MNX1: variants seen among roughly 807,000 people sequenced by gnomAD.
The protein encoded by MNX1 is motor neuron and pancreas homeobox protein 1.
A neutral mutation model predicts 17.3 loss-of-function variants in MNX1; 2 were observed. The observed-to-expected ratio is 0.12, with a 90% CI of 0.05 to 0.36. The LOEUF is 0.36. Among genes scored for constraint, MNX1 ranks in the 10% least tolerant of loss-of-function variants. MNX1 has a pLI of 1.00. For missense variants in MNX1, 556 were observed against 564.7 expected, an observed-to-expected ratio of 0.98 and a Z score of 0.16; for synonymous variants, 306 against 283.1, an observed-to-expected ratio of 1.08 and a Z score of -0.81.
Position 157,010,488 on chromosome 7 carries a change from C to T in MNX1, c.-138G>A. ...GTTATTTGCCAATAATCAAAGTCGC[C>T]GCCGGAAACTCAGCCGAGGGTGACC... On this transcript the variant is annotated 5_prime_UTR_variant, in exon 1 of 3. Coordinates refer to ENST00000252971, the MANE Select transcript of MNX1 (RefSeq NM_005515.4). 1.8e-6 allele frequency: 1 copy of T among 556,584 alleles called. No individual in the cohort carries two copies. Among genetic ancestry groups the T allele is most frequent in the South Asian group, 3.8e-5 (1 of 26,266 alleles). 34.5% of individuals were successfully genotyped at this position (556,584 alleles called of 1,614,324 possible).
chr7:157,006,483 G>T lies in MNX1; in HGVS notation c.848C>A (p.Thr283Asn), dbSNP rs750889748. 1 of 1,610,428 alleles carries T rather than the reference G, an allele frequency of 6.2e-7. No individual in the cohort carries two copies. The highest frequency in any genetic ancestry group is 8.5e-7 in the Non-Finnish European group (1 of 1,179,204). The change falls in exon 2 of 3, where the codon ACC becomes AAC. Residue 283 changes from threonine (T) to asparagine (N), a missense_variant. Thr to Asn is a moderately conservative substitution (Grantham distance 65). Transcript: ENST00000252971. This position sits in a 1 kb window ranked among gnomAD's most constrained non-coding sequence, Gnocchi z 6.3. The part of the protein sequence containing the change: ...EVATSLMLTE[T>N]QVKIWFQNRR... ...GGGGGCGGGGAGGGCGCGCACCTGGGTCTCGGTGAGCATGAGCGAGGTGGC... is the reference window on the plus strand; with the variant it reads ...GGGGGCGGGGAGGGCGCGCACCTGGTTCTCGGTGAGCATGAGCGAGGTGGC...
rs2134838496 is a variant in MNX1, at chr7:157,005,752, G to C, written c.974C>G (p.Ala325Gly). 6.2e-7 allele frequency: 1 copy of C among 1,609,054 alleles called. No homozygotes were observed. Among genetic ancestry groups the C allele is most frequent in the Non-Finnish European group, 8.5e-7 (1 of 1,179,324 alleles). ...CAGCTCCTCGGCTCCCGGCTCCTCCGCGCCGCCCTTCCCCGCGCCCCCGCC... is the reference window on the plus strand; with the variant it reads ...CAGCTCCTCGGCTCCCGGCTCCTCCCCGCCGCCCTTCCCCGCGCCCCCGCC... Reference protein sequence around the residue: ...GGGGGAGKGGAEEPGAEELLG... With the variant: ...GGGGGAGKGGGEEPGAEELLG... Residue 325 changes from alanine to glycine, a missense_variant, in exon 3 of 3, where the codon GCG becomes GGG. This residue lies in a region of MNX1 where 178 missense variants were observed against 155.2 expected (regional missense o/e 1.15). Coordinates refer to ENST00000252971, the MANE Select transcript of MNX1 (RefSeq NM_005515.4).
Position 157,009,738 on chromosome 7 carries a change from C to G in MNX1, c.613G>C (p.Ala205Pro), listed in dbSNP as rs771641742. 1.2e-6 allele frequency: 2 copies of G among 1,607,388 alleles called. No individual in the cohort carries two copies. The highest frequency in any genetic ancestry group is 2.2e-5 in the South Asian group (2 of 90,744). Residue 205 changes from alanine to proline, a missense_variant, in exon 1 of 3, where the codon GCC (alanine) becomes CCC (proline). Physicochemically the swap from Ala to Pro is conservative, Grantham distance 27. Coordinates refer to ENST00000252971, the MANE Select transcript of MNX1 (RefSeq NM_005515.4). Reference sequence around the variant, plus strand: ...CACTGGTCCAGCTGGAAGGTGCCGGCGCCCAGCTTGATGGGGTCGGCGGGG... The same window carrying G: ...CACTGGTCCAGCTGGAAGGTGCCGGGGCCCAGCTTGATGGGGTCGGCGGGG... Reference protein sequence around the residue: ...AHPADPIKLGAGTFQLDQWLR... With the variant: ...AHPADPIKLGPGTFQLDQWLR...
Position 157,005,721 on chromosome 7 carries a change from C to G in MNX1, c.1005G>C (p.Gly335=), listed in dbSNP as rs901730582. 1 of 1,609,964 alleles carries G rather than the reference C, an allele frequency of 6.2e-7. No individual in the cohort carries two copies. The highest frequency in any genetic ancestry group is 1.1e-5 in the South Asian group (1 of 90,940). Residue 335 remains glycine, a synonymous_variant, in exon 3 of 3, where the codon GGG becomes GGC. Transcript: ENST00000252971. ...AEEPGAEELL[G]PPAPGDKGSG... Reference sequence around the variant, plus strand: ...TGCCCTTGTCTCCGGGCGCTGGCGGCCCCAGCAGCTCCTCGGCTCCCGGCT... The same window carrying G: ...TGCCCTTGTCTCCGGGCGCTGGCGGGCCCAGCAGCTCCTCGGCTCCCGGCT...
chr7:157,009,651 G>A lies in MNX1; in HGVS notation c.691+9C>T, dbSNP rs1370038763. 5.6e-6 allele frequency: 9 copies of A among 1,608,352 alleles called. No homozygotes were observed. Among genetic ancestry groups the A allele is most frequent in the Non-Finnish European group, 7.6e-6 (9 of 1,178,898 alleles). Reference sequence around the variant, plus strand: ...CCACGCGCATCCACGGGGGCCGCAGGGTACTCACAGTTGAAGTCGGGCATC... The same window carrying A: ...CCACGCGCATCCACGGGGGCCGCAGAGTACTCACAGTTGAAGTCGGGCATC... On this transcript the variant is annotated intron_variant, in intron 1 of 2. Transcript: ENST00000252971.
In MNX1 at chr7:157,006,282, G is replaced by A. The variant is rs1805596554; in HGVS notation, c.852+197C>T. The A allele has an allele frequency of 4.9e-6, 3 of 609,888 alleles. No homozygotes were observed. The highest frequency in any genetic ancestry group is 4.0e-5 in the South Asian group (2 of 49,858). The allele number at this position is 609,888 out of a possible 1,614,324, so 37.8% of individuals were successfully genotyped here. On this transcript the variant is annotated intron_variant, in intron 2 of 2. Coordinates refer to ENST00000252971, the MANE Select transcript of MNX1 (RefSeq NM_005515.4). This position sits in a 1 kb window ranked among gnomAD's most constrained non-coding sequence, Gnocchi z 6.3. Reference sequence around the variant, plus strand: ...CCTTCTTCAGAATGAAAGGAGGGGTGGTTAAGTGCTGATTCTTGGGCCCCA... The same window carrying A: ...CCTTCTTCAGAATGAAAGGAGGGGTAGTTAAGTGCTGATTCTTGGGCCCCA...
chr7:157,008,970 G>A, intron 1 of MNX1: 1 of 1,532,716 alleles, frequency 6.5e-7, no homozygotes, highest in South Asian at 1.2e-5. Context: ...GGGCTCCCTC[G>A]GCCCCACCTT....
Position 157,006,839 on chromosome 7 carries a change from A to G in MNX1, c.692-200T>C, listed in dbSNP as rs984152348. The G allele has an allele frequency of 6.0e-5, 28 of 467,198 alleles. No homozygotes were observed. The South Asian group carries it at 8.0e-4, about 13-fold the overall frequency. 28.9% of individuals were successfully genotyped at this position (467,198 alleles called of 1,614,324 possible). On this transcript the variant is annotated intron_variant, in intron 1 of 2. Transcript: ENST00000252971. The surrounding 1 kb of genome is among the most constrained non-coding windows in gnomAD (Gnocchi z 6.3). ...CACCAAGTGGAAATGGATAGTTTGG[A>G]GTTAATGAGACCAATTTTTTTTTTT...
chr7:157,008,816 C>A, intron 1 of MNX1: 1 of 631,258 alleles, frequency 1.6e-6, no homozygotes, highest in South Asian at 2.0e-5. Context: ...GCCAGAGCCC[C>A]AGAGAGCCAG....
At position 157,009,949 on chromosome 7, in the gene MNX1, A is replaced by AGCGGTGGCG; in HGVS notation, c.401_402insCGCCACCGC (p.Ala134_Gly135insAlaThrAla). The AGCGGTGGCG allele has an allele frequency of 1.1e-6, 1 of 907,746 alleles. No homozygotes were observed. The allele number at this position is 907,746 out of a possible 1,614,324, so 56.2% of individuals were successfully genotyped here. A position where few individuals can be genotyped will look rare whatever the true frequency, so the allele number is the denominator to read the frequency against. On this transcript the variant is annotated inframe_insertion, in exon 1 of 3. Transcript: ENST00000252971. ...GGTGCAGCCCCAGCGCCAGGCCCCCAGCGGCGGCGGCGGCGGCGGCGGCGG... is the reference window on the plus strand; with the variant it reads ...GGTGCAGCCCCAGCGCCAGGCCCCCAGCGGTGGCGGCGGCGGCGGCGGCGGCGGCGGCGG...
Position 157,009,922 on chromosome 7 carries a change from A to G in MNX1, c.429T>C (p.Pro143=). The G allele has an allele frequency of 8.0e-7, 1 of 1,242,530 alleles. No individual in the cohort carries two copies. Among genetic ancestry groups the G allele is most frequent in the Non-Finnish European group, 1.0e-6 (1 of 996,370 alleles). 77.0% of individuals were successfully genotyped at this position (1,242,530 alleles called of 1,614,324 possible). A position where few individuals can be genotyped will look rare whatever the true frequency, so the allele number is the denominator to read the frequency against. ...GGCCCGCGCCGCCCTGCGCGCCCCC[A>G]GGGTGCAGCCCCAGCGCCAGGCCCC... ...AAGGLALGLH[P]GGAQGGAGLP... The change falls in exon 1 of 3, where the codon CCT becomes CCC. Residue 143 remains proline (P), a synonymous_variant. Transcript: ENST00000252971.
Position 157,005,817 on chromosome 7 carries a change from T to C in MNX1, c.909A>G (p.Lys303=). 6.2e-7 allele frequency: 1 copy of C among 1,612,240 alleles called. No homozygotes were observed. Among genetic ancestry groups the C allele is most frequent in the Non-Finnish European group, 8.5e-7 (1 of 1,179,786 alleles). ...TCTCCGCTTCCTGCGCCGCCTGCTC[T>C]TTGGCCTTTTTGCTGCGTTTCCATT... The part of the protein sequence containing the change: ...RMKWKRSKKA[K]EQAAQEAEKQ... The change falls in exon 3 of 3, where the codon AAA becomes AAG. Residue 303 remains lysine, a synonymous_variant. Transcript: ENST00000252971.
In MNX1 at chr7:157,009,704, G is replaced by A; in HGVS notation, c.647C>T (p.Ala216Val). The A allele has an allele frequency of 6.2e-7, 1 of 1,608,494 alleles. No homozygotes were observed. The highest frequency in any genetic ancestry group is 1.1e-5 in the South Asian group (1 of 90,866). Residue 216 changes from alanine to valine, a missense_variant, in exon 1 of 3, where the codon GCG becomes GTG. Ala to Val is a moderately conservative substitution (Grantham distance 64, BLOSUM62 0). Coordinates refer to ENST00000252971, the MANE Select transcript of MNX1 (RefSeq NM_005515.4). ...AGGCAGGATCATGCCCGCGGTGGACGCGCGCAGCCACTGGTCCAGCTGGAA... is the reference window on the plus strand; with the variant it reads ...AGGCAGGATCATGCCCGCGGTGGACACGCGCAGCCACTGGTCCAGCTGGAA... ...GTFQLDQWLR[A>V]STAGMILPKM...
rs753043967 is a variant in MNX1 at position 157,005,765 on chromosome 7, C to A, written c.961G>T (p.Gly321Trp). The change falls in exon 3 of 3, where the codon GGG (glycine) becomes TGG (tryptophan). Residue 321 changes from glycine to tryptophan, a missense_variant. Gly to Trp is a radical substitution (Grantham distance 184). This residue lies in a region of MNX1 where 178 missense variants were observed against 155.2 expected (regional missense o/e 1.15). Coordinates refer to ENST00000252971, the MANE Select transcript of MNX1 (RefSeq NM_005515.4). ...CCCGGCTCCTCCGCGCCGCCCTTCC[C>A]CGCGCCCCCGCCGCCGCCCTTCTGT... is the stretch of plus-strand genomic sequence containing the variant. The part of the protein sequence containing the change: ...EKQKGGGGGA[G>W]KGGAEEPGAE... 1 of 1,609,832 alleles carries A rather than the reference C, an allele frequency of 6.2e-7. No homozygotes were observed. Among genetic ancestry groups the A allele is most frequent in the South Asian group, 1.1e-5 (1 of 91,064 alleles).
At position 157,005,789 on chromosome 7, in the gene MNX1, G is replaced by GTTTC; in HGVS notation, c.933_936dup (p.Gln313GlufsTer44). The GTTTC allele has an allele frequency of 3.1e-6, 5 of 1,611,572 alleles. No homozygotes were observed. Among genetic ancestry groups the GTTTC allele is most frequent in the Non-Finnish European group, 4.2e-6 (5 of 1,179,784 alleles). ...CCCGCGCCCCCGCCGCCGCCCTTCTGTTTCTCCGCTTCCTGCGCCGCCTGC... is the reference window on the plus strand; with the variant it reads ...CCCGCGCCCCCGCCGCCGCCCTTCTGTTTCTTTCTCCGCTTCCTGCGCCGCCTGC... On this transcript the variant is annotated frameshift_variant, in exon 3 of 3. Transcript: ENST00000252971. LOFTEE classifies it low-confidence loss of function (END_TRUNC).
Position 157,006,170 on chromosome 7 carries a change from A to G in MNX1, c.853-297T>C. The G allele has an allele frequency of 3.4e-6, 2 of 585,506 alleles. No individual in the cohort carries two copies. Among genetic ancestry groups the G allele is most frequent in the Non-Finnish European group, 6.0e-6 (2 of 330,966 alleles). The allele number at this position is 585,506 out of a possible 1,614,324, so 36.3% of individuals were successfully genotyped here. A position where few individuals can be genotyped will look rare whatever the true frequency, so the allele number is the denominator to read the frequency against. On this transcript the variant is annotated intron_variant, in intron 2 of 2. Transcript: ENST00000252971. This position sits in a 1 kb window ranked among gnomAD's most constrained non-coding sequence, Gnocchi z 6.3. ...GCCCTCCGTCTGCGGAGGAAGGGTC[A>G]GGGCAGCTGGCTACGTCGCGGTAAA...
In MNX1 at chr7:157,006,003, T is replaced by A; in HGVS notation, c.853-130A>T. 1 of 1,009,488 alleles carries A rather than the reference T, an allele frequency of 9.9e-7. No individual in the cohort carries two copies. The highest frequency in any genetic ancestry group is 1.5e-6 in the Non-Finnish European group (1 of 680,912). The allele number at this position is 1,009,488 out of a possible 1,614,324, so 62.5% of individuals were successfully genotyped here. A position where few individuals can be genotyped will look rare whatever the true frequency, so the allele number is the denominator to read the frequency against. Reference sequence around the variant, plus strand: ...GGAATGGCCTCAGGGTGAGACGACTTAGAAGCAGAATGGGGAGGGGGCTCG... The same window carrying A: ...GGAATGGCCTCAGGGTGAGACGACTAAGAAGCAGAATGGGGAGGGGGCTCG... On this transcript the variant is annotated intron_variant, in intron 2 of 2. Coordinates refer to ENST00000252971, the MANE Select transcript of MNX1 (RefSeq NM_005515.4). The surrounding 1 kb of genome is among the most constrained non-coding windows in gnomAD (Gnocchi z 6.3).
In MNX1 at chr7:157,010,297, T is replaced by G; in HGVS notation, c.54A>C (p.Pro18=). ...RIDALLAVDP[P]RAASAQSAPL... is the part of the protein sequence containing the mutation. ...GCGCGCTCTGCGCAGAGGCGGCTCGTGGGGGGTCCACCGCCAGCAGGGCGT... is the reference window on the plus strand; with the variant it reads ...GCGCGCTCTGCGCAGAGGCGGCTCGGGGGGGGTCCACCGCCAGCAGGGCGT... The change falls in exon 1 of 3, where the codon CCA becomes CCC. Residue 18 remains proline (P), a synonymous_variant. Transcript: ENST00000252971. 1 of 1,567,722 alleles carries G rather than the reference T, an allele frequency of 6.4e-7. No individual in the cohort carries two copies.
chr7:157,008,025 C>T (rs140039512), intron 1 of MNX1: 1 of 152,272 alleles, frequency 6.6e-6, no homozygotes, highest in Non-Finnish European at 1.5e-5. Context: ...CACGGTTATG[C>T]CTGCCCTTTT....
Sources: allele counts gnomAD v4.1 joint callset, GRCh38; gene constraint gnomAD v4.1.1; regional missense constraint gnomAD v4.1.1; non-coding constraint Gnocchi (gnomAD v3.1); transcripts MANE v1.5; gene names NCBI Gene and HGNC (gene_info 2026-07-23, HGNC 2026-07-21).